The following RAB38 variants were observed in gnomAD, a reference collection of about 807,000 sequenced individuals.
The protein encoded by RAB38 is RAB38, member RAS oncogene family.
Under a neutral mutation model 18.4 loss-of-function variants are expected in RAB38, and 15 were observed. The observed-to-expected ratio is 0.82, with a 90% CI of 0.55 to 1.26. The LOEUF (loss-of-function observed/expected upper bound fraction) is 1.26, where lower values mean the gene tolerates loss of function less well. Among genes scored for constraint, RAB38 ranks in the 50% most tolerant of loss-of-function variants. RAB38 has a pLI of 0.00. For synonymous variants in RAB38, 101 were observed against 104.4 expected (o/e 0.97, Z 0.20); for missense variants, 294 against 267.4 (o/e 1.10, Z -0.69).
intron 1 of RAB38, among the ~76,000 whole-genome samples, chr11:88,153,900 T>C (rs960790768): frequency 1.3e-5 from 2 of 152,076 alleles, no homozygotes; most frequent in Non-Finnish European, 2.9e-5. Flanking sequence ...TAAAGACCAA[T>C]TGTGTGGGCT....
At chr11:87,867,680 T>G in the RAB38 span, among the ~76,000 whole-genome samples, 1 of 151,762 alleles carries the variant, frequency 6.6e-6, no homozygotes, top group African/African-American at 2.4e-5. Context: ...AGACAGCCTC[T>G]GCATTTTATG....
chr11:87,913,804 C>T, the RAB38 span, among the ~76,000 whole-genome samples: 1 of 152,120 alleles, frequency 6.6e-6, no homozygotes, highest in Non-Finnish European at 1.5e-5. Flanking sequence ...TTCCCCTTGA[C>T]TTTCCCCACC....
chr11:87,926,515 TG>T, the RAB38 span, among the ~76,000 whole-genome samples: 3 of 111,526 alleles, frequency 2.7e-5, no homozygotes, highest in South Asian at 7.2e-4. Flanking sequence ...GTGGTTTTTT[TG>T]TTTGTTTGTT....
chr11:88,141,061 G>A (rs1430018747), intron 2 of RAB38, among the ~76,000 whole-genome samples: 1 of 152,150 alleles, frequency 6.6e-6, no homozygotes, highest in African/African-American at 2.4e-5. Context: ...AAGACAACAT[G>A]CCTTACTTTC....
the RAB38 span, among the ~76,000 whole-genome samples, chr11:87,977,526 ATATAAT>A: frequency 9.3e-6 from 1 of 107,450 alleles, no homozygotes; most frequent in South Asian, 2.7e-4. Flanking sequence ...TATATAGATA[ATATAAT>A]TATATCATTA....
At chr11:88,076,515 A>G in the RAB38 span, among the ~76,000 whole-genome samples, 5 of 152,200 alleles carry the variant, frequency 3.3e-5, no homozygotes, top group Admixed American at 6.5e-5. Context: ...TCTTAAACTT[A>G]GAAAAACTTA....
chr11:88,142,913 C>T (rs960113091), intron 2 of RAB38, among the ~76,000 whole-genome samples: 2 of 152,216 alleles, frequency 1.3e-5, no homozygotes, highest in African/African-American at 2.4e-5. Flanking sequence ...TCTTGGAAGA[C>T]GTATTTACAC....
chr11:88,123,825 T>C (rs1942658638), intron 2 of RAB38, among the ~76,000 whole-genome samples: 1 of 152,240 alleles, frequency 6.6e-6, no homozygotes, highest in African/African-American at 2.4e-5. Flanking sequence ...AGTAATATTA[T>C]GTATTTTTAC....
chr11:88,030,702 C>A, the RAB38 span, among the ~76,000 whole-genome samples: 2 of 152,150 alleles, frequency 1.3e-5, no homozygotes, highest in African/African-American at 2.4e-5. Context: ...TCTGAATAGA[C>A]CAATAACAGG....
chr11:88,127,252 A>G (rs1942709614), intron 2 of RAB38, among the ~76,000 whole-genome samples: 1 of 152,234 alleles, frequency 6.6e-6, no homozygotes, highest in African/African-American at 2.4e-5. Context: ...CTAAAGCACC[A>G]TAATGAACTG....
the RAB38 span, among the ~76,000 whole-genome samples, chr11:87,809,244 A>G: frequency 6.6e-6 from 1 of 152,226 alleles, no homozygotes; most frequent in Non-Finnish European, 1.5e-5. Context: ...AAATATAAGG[A>G]TATAGAAGTT....
the RAB38 span, among the ~76,000 whole-genome samples, chr11:88,059,660 C>T: frequency 5.3e-5 from 8 of 152,200 alleles, no homozygotes; most frequent in African/African-American, 1.9e-4. Context: ...GTGTTCCAGG[C>T]ACAGTGTTTG....
the RAB38 span, among the ~76,000 whole-genome samples, chr11:87,932,090 C>G: frequency 5.3e-5 from 8 of 151,828 alleles, no homozygotes; most frequent in Admixed American, 4.6e-4. Context: ...CCCAAGCCTA[C>G]CAGCTATAGC....
chr11:88,041,049 T>C, the RAB38 span, among the ~76,000 whole-genome samples: 1 of 152,238 alleles, frequency 6.6e-6, no homozygotes, highest in Non-Finnish European at 1.5e-5. Flanking sequence ...CCATTCCCAT[T>C]CATGTCTGTC....
rs929768751 is a variant in RAB38 at position 88,149,706 on chromosome 11, C to T, written c.452G>A (p.Gly151Asp). 2 of 1,613,416 alleles carry T rather than the reference C, an allele frequency of 1.2e-6. No individual in the cohort carries two copies. The highest frequency in any genetic ancestry group is 2.2e-5 in the East Asian group (1 of 44,862). The change falls in exon 2 of 3, where the codon GGT (glycine) becomes GAT (aspartate). Residue 151 changes from glycine (G) to aspartate (D), a missense_variant. Coordinates refer to ENST00000243662, the MANE Select transcript of RAB38 (RefSeq NM_022337.3). ...LKMDQFCKEHGFVGWFETSAK... is the reference protein window; with the variant it reads ...LKMDQFCKEHDFVGWFETSAK... ...TGATGTTTCAAACCATCCTACGAAA[C>T]CGTGCTCCTTGCAGAACTGGTCCAT...
At chr11:87,901,857 C>T in the RAB38 span, among the ~76,000 whole-genome samples, 1 of 151,194 alleles carries the variant, frequency 6.6e-6, no homozygotes, top group Non-Finnish European at 1.5e-5. Flanking sequence ...ATGTTATAGA[C>T]TTTGGTATGG....
chr11:87,810,225 C>T, the RAB38 span, among the ~76,000 whole-genome samples: 1 of 152,096 alleles, frequency 6.6e-6, no homozygotes, highest in Non-Finnish European at 1.5e-5. Flanking sequence ...CTTTCTATCA[C>T]TATAAACTTG....
chr11:87,934,215 C>T, the RAB38 span, among the ~76,000 whole-genome samples: 2 of 152,050 alleles, frequency 1.3e-5, no homozygotes, highest in African/African-American at 4.8e-5. Context: ...GTGCTTGAAA[C>T]AGACACTGCA....
the RAB38 span, among the ~76,000 whole-genome samples, chr11:87,957,007 T>C: frequency 6.6e-6 from 1 of 151,816 alleles, no homozygotes; most frequent in African/African-American, 2.4e-5. Context: ...TGAGTCCTCA[T>C]TTCCGAACGC....
Sources: gnomAD v4.1 joint callset for allele counts (sites outside exome capture counted in the v4.1 genomes callset) on GRCh38, gnomAD v4.1.1 for gene constraint, MANE v1.5 for transcripts, NCBI Gene and HGNC (gene_info 2026-07-23, HGNC 2026-07-21) for gene names.